Variants in GPHN observed in about 807,000 individuals in gnomAD.
The protein encoded by GPHN is gephyrin.
A neutral mutation model predicts 95.5 loss-of-function variants in GPHN; 17 were observed. That is an observed-to-expected ratio of 0.18 (90% CI 0.12 to 0.27). The LOEUF (loss-of-function observed/expected upper bound fraction) is 0.27. GPHN is among the 10% of genes least tolerant of loss of function. GPHN has a pLI of 1.00. For missense variants in GPHN, 660 were observed against 978.1 expected (o/e 0.67, Z 4.34); for synonymous variants, 320 against 322.5 (o/e 0.99, Z 0.08).
chr14:67,649,057 C>T, the GPHN span: 3 of 152,152 alleles, frequency 2.0e-5, no homozygotes, highest in African/African-American at 7.2e-5. Flanking sequence ...CTCAGATCTG[C>T]AATCTTAGAT....
chr14:67,196,579 G>A, the GPHN span, among the ~76,000 whole-genome samples: 1 of 152,168 alleles, frequency 6.6e-6, no homozygotes, highest in Non-Finnish European at 1.5e-5. Context: ...GTAATCGTAA[G>A]GAGCACACTT....
At chr14:67,657,245 C>T in the GPHN span, 1 of 152,138 alleles carries the variant, frequency 6.6e-6, no homozygotes, top group Non-Finnish European at 1.5e-5. Context: ...CTAAAGAAAG[C>T]ATGTAGAAGT....
chr14:67,606,511 C>T, the GPHN span, among the ~76,000 whole-genome samples: 12 of 152,050 alleles, frequency 7.9e-5, no homozygotes, highest in African/African-American at 2.9e-4. Context: ...ACCATAACAC[C>T]CTCAGCTCAG....
At chr14:67,195,651 T>A in the GPHN span, among the ~76,000 whole-genome samples, 1 of 152,120 alleles carries the variant, frequency 6.6e-6, no homozygotes, top group Non-Finnish European at 1.5e-5. Context: ...ATATTATTAT[T>A]TTATGTGCCA....
chr14:66,694,406 A>G (rs1235328452), intron 2 of GPHN, among the ~76,000 whole-genome samples: 1 of 152,216 alleles, frequency 6.6e-6, no homozygotes, highest in African/African-American at 2.4e-5. Flanking sequence ...AGCAGCTCAA[A>G]TAGACTTAAG....
At chr14:67,541,152 G>T in the GPHN span, among the ~76,000 whole-genome samples, 1 of 152,150 alleles carries the variant, frequency 6.6e-6, no homozygotes, top group Non-Finnish European at 1.5e-5. Flanking sequence ...CTAAATAGAA[G>T]ATTGTCAAAG....
intron 9 of GPHN, among the ~76,000 whole-genome samples, chr14:66,998,684 T>C (rs1475846340): frequency 6.6e-6 from 1 of 151,916 alleles, no homozygotes; most frequent in African/African-American, 2.4e-5. Context: ...AGAAATTAAG[T>C]CTCCAATCCC....
intron 1 of GPHN, among the ~76,000 whole-genome samples, chr14:66,620,447 G>A (rs2063242996): frequency 6.6e-6 from 1 of 152,132 alleles, no homozygotes; most frequent in South Asian, 2.1e-4. Context: ...ATGGATCATG[G>A]CAGGCAAAGA....
At chr14:66,630,707 C>T (rs555874328) in intron 1 of GPHN, among the ~76,000 whole-genome samples, 2 of 152,176 alleles carry the variant, frequency 1.3e-5, no homozygotes, top group East Asian at 3.9e-4. Context: ...CTCCTGACCT[C>T]GTGATCCGCC....
the GPHN span, among the ~76,000 whole-genome samples, chr14:67,596,141 T>C: frequency 5.3e-5 from 8 of 152,200 alleles, no homozygotes; most frequent in East Asian, 1.4e-3. Flanking sequence ...CATTCATTCA[T>C]TGATTCGAGA....
At chr14:67,393,818 G>T in the GPHN span, among the ~76,000 whole-genome samples, 1 of 152,242 alleles carries the variant, frequency 6.6e-6, no homozygotes, top group East Asian at 1.9e-4. Context: ...CCCTCATAAA[G>T]ATGTTTATCT....
chr14:67,159,409 T>C lies in GPHN; in HGVS notation c.1837-6T>C. ...AAAGTAAAGTGATTATTTTTAATGT[T>C]TGCAGGACTATCTCAAGCAGGTGCT... On this transcript the variant is annotated splice_polypyrimidine_tract_variant and splice_region_variant and intron_variant, in intron 18 of 22. Transcript: ENST00000478722. 1 of 1,560,400 alleles carries C rather than the reference T, an allele frequency of 6.4e-7. No homozygotes were observed.
chr14:67,103,536 T>G (rs1018752116), intron 13 of GPHN, among the ~76,000 whole-genome samples: 7 of 146,940 alleles, frequency 4.8e-5, no homozygotes, highest in Non-Finnish European at 9.0e-5. Flanking sequence ...TTTTTTTTTT[T>G]TGTGGCCTCT....
At chr14:67,295,506 T>C in the GPHN span, among the ~76,000 whole-genome samples, 1 of 150,150 alleles carries the variant, frequency 6.7e-6, no homozygotes, top group Admixed American at 6.6e-5. Flanking sequence ...AAAAAAACTC[T>C]TGGAAATTAA....
At chr14:67,039,521 C>T (rs1255159230) in intron 10 of GPHN, among the ~76,000 whole-genome samples, 1 of 152,186 alleles carries the variant, frequency 6.6e-6, no homozygotes, top group Non-Finnish European at 1.5e-5. Context: ...AGGCCAGGTG[C>T]AGTGGCTTGT....
intron 1 of GPHN, among the ~76,000 whole-genome samples, chr14:66,528,683 G>T (rs182028019): frequency 3.3e-5 from 5 of 152,174 alleles, no homozygotes; most frequent in African/African-American, 9.6e-5. Flanking sequence ...CAGCATTTGC[G>T]TGTCTGTAAA....
At chr14:66,713,445 T>C (rs966875533) in intron 2 of GPHN, among the ~76,000 whole-genome samples, 54 of 152,188 alleles carry the variant, frequency 3.5e-4, no homozygotes, top group African/African-American at 1.2e-3. Flanking sequence ...GTTGGCTAAG[T>C]ATTTGGGTTT....
At chr14:66,699,286 C>T (rs1422333418) in intron 2 of GPHN, among the ~76,000 whole-genome samples, 1 of 151,922 alleles carries the variant, frequency 6.6e-6, no homozygotes, top group Non-Finnish European at 1.5e-5. Flanking sequence ...ACCAACATGG[C>T]ACATGTATAC....
At chr14:67,047,914 C>G (rs2075118539) in intron 10 of GPHN, among the ~76,000 whole-genome samples, 1 of 152,170 alleles carries the variant, frequency 6.6e-6, no homozygotes, top group Non-Finnish European at 1.5e-5. Flanking sequence ...GAGCCGTGAT[C>G]ACGCAACTGC....
Sources: allele counts gnomAD v4.1 joint callset (sites outside exome capture counted in the v4.1 genomes callset), GRCh38; gene constraint gnomAD v4.1.1; transcripts MANE v1.5; gene names NCBI Gene and HGNC (gene_info 2026-07-23, HGNC 2026-07-21).